CAST: variants seen among roughly 807,000 people sequenced by gnomAD.
The protein encoded by CAST is MIR583 host.
In CAST, 76 loss-of-function variants were observed where a neutral mutation model predicts 119.6. That is an observed-to-expected ratio of 0.64 (90% CI 0.53 to 0.77). The LOEUF is 0.77. Among genes scored for constraint, CAST ranks in the 30% least tolerant of loss-of-function variants. CAST has a pLI of 0.00. For missense variants in CAST, 953 were observed against 946.5 expected, an observed-to-expected ratio of 1.01 and a Z score of -0.09; for synonymous variants, 319 against 331.6, an observed-to-expected ratio of 0.96 and a Z score of 0.41.
the CAST span, chr5:96,392,553 A>C: frequency 5.7e-6 from 1 of 174,834 alleles, no homozygotes; most frequent in Non-Finnish European, 1.2e-5. Flanking sequence ...CTTTCTTGGC[A>C]TCAAAATTTG....
the CAST span, among the ~76,000 whole-genome samples, chr5:96,316,891 T>C: frequency 6.6e-6 from 1 of 152,234 alleles, no homozygotes; most frequent in African/African-American, 2.4e-5. Context: ...TCTTCTCAAA[T>C]TAAGTCTTTT....
At chr5:95,987,458 C>G in the CAST span, among the ~76,000 whole-genome samples, 1 of 152,078 alleles carries the variant, frequency 6.6e-6, no homozygotes, top group Non-Finnish European at 1.5e-5. Flanking sequence ...CGTGCCTAGG[C>G]GCTGCCTCCA....
the CAST span, among the ~76,000 whole-genome samples, chr5:96,182,655 A>C: frequency 6.6e-6 from 1 of 152,372 alleles, no homozygotes; most frequent in Non-Finnish European, 1.5e-5. Context: ...ATTACAATAT[A>C]GTATTAATTC....
chr5:96,134,271 A>G, the CAST span, among the ~76,000 whole-genome samples: 1 of 152,216 alleles, frequency 6.6e-6, no homozygotes, highest in Non-Finnish European at 1.5e-5. Flanking sequence ...CCACAAGAAT[A>G]TGCCTTTCAC....
chr5:96,145,018 A>T, the CAST span, among the ~76,000 whole-genome samples: 1 of 152,166 alleles, frequency 6.6e-6, no homozygotes, highest in Non-Finnish European at 1.5e-5. Flanking sequence ...CTCTTTTGCT[A>T]GTTGTAGCCT....
chr5:96,076,951 T>A, the CAST span, among the ~76,000 whole-genome samples: 5 of 151,242 alleles, frequency 3.3e-5, no homozygotes, highest in East Asian at 9.7e-4. Flanking sequence ...TTCATGCATA[T>A]AGATTTTATA....
intron 3 of CAST, among the ~76,000 whole-genome samples, chr5:96,699,990 C>A (rs746824124): frequency 4.6e-5 from 7 of 152,188 alleles, no homozygotes; most frequent in Non-Finnish European, 1.0e-4. Context: ...CAGAGAAATA[C>A]TTTCGTGATT....
chr5:96,057,045 T>C, the CAST span, among the ~76,000 whole-genome samples: 1 of 152,186 alleles, frequency 6.6e-6, no homozygotes, highest in Non-Finnish European at 1.5e-5. Context: ...GGATAACTTT[T>C]ATGTACAGAA....
chr5:96,616,793 C>T (rs377327305), intron 1 of CAST, among the ~76,000 whole-genome samples: 3 of 140,944 alleles, frequency 2.1e-5, no homozygotes, highest in African/African-American at 5.6e-5. Flanking sequence ...CACACACACA[C>T]ACATATACAT....
upstream of CAST, among the ~76,000 whole-genome samples, chr5:96,524,793 G>A (rs1745573523): frequency 6.6e-6 from 1 of 152,184 alleles, no homozygotes; most frequent in Admixed American, 6.5e-5. Context: ...GCAGACAGAA[G>A]CTTAGGGAGA....
intron 25 of CAST, among the ~76,000 whole-genome samples, chr5:96,764,897 C>G (rs186485167): frequency 6.6e-6 from 1 of 152,290 alleles, no homozygotes; most frequent in Non-Finnish European, 1.5e-5. Context: ...TATGTGACCT[C>G]CAGGTCACCC....
intron 1 of CAST, among the ~76,000 whole-genome samples, chr5:96,583,488 A>G (rs1483514550): frequency 2.0e-5 from 3 of 152,202 alleles, no homozygotes; most frequent in Admixed American, 6.5e-5. Context: ...AAAGCTTAAC[A>G]TGGGCACAAT....
At chr5:96,629,804 A>G (rs1401757177) in intron 1 of CAST, among the ~76,000 whole-genome samples, 1 of 152,214 alleles carries the variant, frequency 6.6e-6, no homozygotes, top group African/African-American at 2.4e-5. Flanking sequence ...CTCTGCCTAA[A>G]CTTGATTAAT....
chr5:96,035,045 A>ATATATATATATATATATATTTAAG, the CAST span, among the ~76,000 whole-genome samples: 276 of 98,424 alleles, frequency 2.8e-3, 3 homozygotes, highest in African/African-American at 0.01. Context: ...ATTTAAGTAT[A>ATATATATATATATATATATTTAAG]TATATATATA....
rs547663994 is a variant in CAST, at chr5:96,648,132, T to C, written c.61-27407T>C. Among the ~76,000 whole-genome samples the C allele has an allele frequency of 5.3e-5, 8 of 152,356 alleles. No individual in the cohort carries two copies. In the South Asian group the frequency reaches 1.5e-3, roughly 28 times the overall value. On this transcript the variant is annotated intron_variant, in intron 1 of 11. Coordinates refer to the CAST transcript ENST00000505143. ...TCTCTGTGTGAACTCATCTATCCTT[T>C]AGGTTATATTTTCCACTAGGCTTTG...
chr5:96,096,955 G>C, the CAST span, among the ~76,000 whole-genome samples: 1 of 152,166 alleles, frequency 6.6e-6, no homozygotes, highest in Non-Finnish European at 1.5e-5. Flanking sequence ...ATGCATATGA[G>C]TCATAAAGAT....
At chr5:96,501,382 C>CAG in the CAST span, among the ~76,000 whole-genome samples, 1 of 152,182 alleles carries the variant, frequency 6.6e-6, no homozygotes, top group Admixed American at 6.5e-5. Context: ...GCATAATCAT[C>CAG]TCATACTAGT....
At chr5:95,997,963 GT>G in the CAST span, among the ~76,000 whole-genome samples, 589 of 93,618 alleles carry the variant, frequency 6.3e-3, 1 homozygote, top group East Asian at 0.016. Context: ...TTGAGAGAGG[GT>G]TTTTTTTTTT....
intron 2 of CAST, chr5:96,675,920 T>G (rs1172102270): frequency 4.4e-6 from 1 of 229,698 alleles, no homozygotes; most frequent in Admixed American, 5.6e-5. Context: ...GGGAAAACAG[T>G]TGCTGTAGTA....
Sources: gnomAD v4.1 joint callset for allele counts (sites outside exome capture counted in the v4.1 genomes callset) on GRCh38, gnomAD v4.1.1 for gene constraint, MANE v1.5 for transcripts, NCBI Gene and HGNC (gene_info 2026-07-23, HGNC 2026-07-21) for gene names.